PKDCC: variants seen among roughly 807,000 people sequenced by gnomAD.
PKDCC encodes the protein extracellular tyrosine-protein kinase PKDCC.
Under a neutral mutation model 44.7 loss-of-function variants are expected in PKDCC, and 35 were observed. The observed-to-expected ratio is 0.78, with a 90% CI of 0.60 to 1.04. The LOEUF (loss-of-function observed/expected upper bound fraction) is 1.04, where lower values mean the gene tolerates loss of function less well. Ranked by LOEUF, PKDCC falls within the 50% of genes least tolerant of loss-of-function variation. The pLI, the probability that PKDCC is intolerant of heterozygous loss-of-function variation, is 0.00. For synonymous variants in PKDCC, 353 were observed against 303.3 expected, an observed-to-expected ratio of 1.16 and a Z score of -1.70; for missense variants, 738 against 672.7, an observed-to-expected ratio of 1.10 and a Z score of -1.07.
In PKDCC at chr2:42,051,718, G is replaced by A. The variant is rs78026860; in HGVS notation, c.640-1521G>A. ...TGATGGGGAGGGGGTGGAGAGAGAAGAGGGTGCCTGGAGCTGCCCTGGCCC... is the reference window on the plus strand; with the variant it reads ...TGATGGGGAGGGGGTGGAGAGAGAAAAGGGTGCCTGGAGCTGCCCTGGCCC... On this transcript the variant is annotated intron_variant, in intron 1 of 6. Transcript: ENST00000294964. This position sits in a 1 kb window ranked among gnomAD's most constrained non-coding sequence, Gnocchi z 4.2. 0.015 allele frequency among the ~76,000 whole-genome samples: 2,294 copies of A among 152,162 alleles called. 140 individuals are homozygous for A. Among genetic ancestry groups the A allele is most frequent in the Admixed American group, 0.1 (1,554 of 15,290 alleles).
Position 42,055,299 on chromosome 2 carries a change from G to T in PKDCC, c.1128G>T (p.Trp376Cys). ...SIVNATGELA[W>C]GVDETLAQLE... ...TGCACTCTGCAGGAGAGCTCGCCTG[G>T]GGGGTGGACGAGACCCTGGCCCAGC... Residue 376 changes from tryptophan (W) to cysteine (C), a missense_variant, in exon 5 of 7, where the codon TGG (tryptophan) becomes TGT (cysteine). Trp to Cys is a radical substitution (Grantham distance 215). Transcript: ENST00000294964. The surrounding 1 kb of genome is among the most constrained non-coding windows in gnomAD (Gnocchi z 4.5). 6.2e-7 allele frequency: 1 copy of T among 1,613,226 alleles called. No homozygotes were observed. The highest frequency in any genetic ancestry group is 8.5e-7 in the Non-Finnish European group (1 of 1,179,932).
chr2:42,053,382 G>A (rs747108914), intron 2 of PKDCC, 21 bp downstream of exon 2: 52 of 1,595,234 alleles, frequency 3.3e-5, no homozygotes, highest in South Asian at 1.0e-4. Flanking sequence ...AGGAGGGCTC[G>A]GGCCCTGGGC....
rs765504841 is a variant in PKDCC at position 42,048,759 on chromosome 2, G to T, written c.560G>T (p.Gly187Val). 1 of 1,579,038 alleles carries T rather than the reference G, an allele frequency of 6.3e-7. No individual in the cohort carries two copies. The highest frequency in any genetic ancestry group is 8.6e-7 in the Non-Finnish European group (1 of 1,162,904). The change falls in exon 1 of 7, where the codon GGC becomes GTC. Residue 187 changes from glycine to valine, a missense_variant. Coordinates refer to ENST00000294964, the MANE Select transcript of PKDCC (RefSeq NM_138370.3). The surrounding 1 kb of genome is among the most constrained non-coding windows in gnomAD (Gnocchi z 6.2). The stretch of plus-strand genomic sequence containing the variant: ...GTGCGCGAGTTCGGGGTACGGAGGG[G>T]CTGCTATCGGCTGGCGGCCCACAAG... The part of the protein sequence containing the change: ...SCVREFGVRR[G>V]CYRLAAHKLL...
In PKDCC at chr2:42,058,408, C is replaced by A. The variant is rs1041574033; in HGVS notation, c.*720C>A. ...AAGCAGCCAAAACCAGGCTTTCCCC[C>A]TTCCTCGAGTTTGAATATCCAGAAT... On this transcript the variant is annotated 3_prime_UTR_variant, in exon 7 of 7. Transcript: ENST00000294964. The surrounding 1 kb of genome is among the most constrained non-coding windows in gnomAD (Gnocchi z 4.2). 4 of 152,592 alleles carry A rather than the reference C, an allele frequency of 2.6e-5. No homozygotes were observed. Among genetic ancestry groups the A allele is most frequent in the African/African-American group, 4.8e-5 (2 of 41,424 alleles). 9.5% of individuals were successfully genotyped at this position (152,592 alleles called of 1,614,324 possible).
Position 42,057,224 on chromosome 2 carries a change from A to G in PKDCC, c.1226A>G (p.Tyr409Cys). 1 of 1,614,142 alleles carries G rather than the reference A, an allele frequency of 6.2e-7. No individual in the cohort carries two copies. The highest frequency in any genetic ancestry group is 1.1e-5 in the South Asian group (1 of 91,076). Reference sequence around the variant, plus strand: ...TTACTCCATCCCCAACCCACAGAGTACCAGTGTATCCCAGACAGCACCATC... The same window carrying G: ...TTACTCCATCCCCAACCCACAGAGTGCCAGTGTATCCCAGACAGCACCATC... ...QNSTASSSTE[Y>C]QCIPDSTIPQ... Residue 409 changes from tyrosine (Y) to cysteine (C), a missense_variant, in exon 6 of 7, where the codon TAC (tyrosine) becomes TGC (cysteine). Transcript: ENST00000294964.
chr2:42,048,210 G>C lies in PKDCC; in HGVS notation c.11G>C (p.Arg4Pro). The change falls in exon 1 of 7, where the codon CGG becomes CCG. Residue 4 changes from arginine to proline, a missense_variant. Physicochemically the swap from Arg to Pro is moderately radical, Grantham distance 103. Coordinates refer to ENST00000294964, the MANE Select transcript of PKDCC (RefSeq NM_138370.3). The surrounding 1 kb of genome is among the most constrained non-coding windows in gnomAD (Gnocchi z 6.2). Reference sequence around the variant, plus strand: ...GGGGGGAGGGGAGCGATGCGGCGCCGGCGGGCGGCAGTGGCCGCGGGTTTC... The same window carrying C: ...GGGGGGAGGGGAGCGATGCGGCGCCCGCGGGCGGCAGTGGCCGCGGGTTTC... MRR[R>P]RAAVAAGFCA... 1 of 1,191,382 alleles carries C rather than the reference G, an allele frequency of 8.4e-7. No homozygotes were observed. The highest frequency in any genetic ancestry group is 2.4e-5 in the South Asian group (1 of 41,858). The allele number at this position is 1,191,382 out of a possible 1,614,324, so 73.8% of individuals were successfully genotyped here.
At position 42,050,538 on chromosome 2, in the gene PKDCC, T is replaced by C. The variant is rs538467150; in HGVS notation, c.639+1700T>C. On this transcript the variant is annotated intron_variant, in intron 1 of 6. Coordinates refer to ENST00000294964, the MANE Select transcript of PKDCC (RefSeq NM_138370.3). ...AAGCATTCAGCTAACGCCCCACATA[T>C]ATATCACGTGACGGTCCTCCTCTGA... 1.2e-4 allele frequency among the ~76,000 whole-genome samples: 19 copies of C among 152,188 alleles called. No individual in the cohort carries two copies. In the South Asian group the frequency reaches 3.5e-3, roughly 28 times the overall value.
At position 42,048,079 on chromosome 2, in the gene PKDCC, C is replaced by T; in HGVS notation, c.-121C>T. 8.3e-6 allele frequency: 4 copies of T among 482,270 alleles called. No individual in the cohort carries two copies. The highest frequency in any genetic ancestry group is 1.1e-5 in the Non-Finnish European group (4 of 379,522). 29.9% of individuals were successfully genotyped at this position (482,270 alleles called of 1,614,324 possible). On this transcript the variant is annotated 5_prime_UTR_variant, in exon 1 of 7. Transcript: ENST00000294964. This position sits in a 1 kb window ranked among gnomAD's most constrained non-coding sequence, Gnocchi z 6.2. ...GGGCCGGGGTCGGGGCCGCCGGGGC[C>T]ATGCGCGCGGGCTGGGCAGGGGGCC...
Position 42,055,055 on chromosome 2 carries a change from C to T in PKDCC, c.1114+35C>T, listed in dbSNP as rs1306080985. Reference sequence around the variant, plus strand: ...CCAGGGCCCATCTGCTTCCAGGCACCTACCCCACCCCCACCCGCCAGCAAA... The same window carrying T: ...CCAGGGCCCATCTGCTTCCAGGCACTTACCCCACCCCCACCCGCCAGCAAA... On this transcript the variant is annotated intron_variant, in intron 4 of 6. Transcript: ENST00000294964. The surrounding 1 kb of genome is among the most constrained non-coding windows in gnomAD (Gnocchi z 4.5). 11 of 1,587,588 alleles carry T rather than the reference C, an allele frequency of 6.9e-6. No individual in the cohort carries two copies. The highest frequency in any genetic ancestry group is 5.0e-5 in the Admixed American group (3 of 59,730).
chr2:42,058,009 C>T lies in PKDCC; in HGVS notation c.*321C>T, dbSNP rs184615957. 563 of 381,412 alleles carry T rather than the reference C, an allele frequency of 1.5e-3. 2 individuals are homozygous for T. Among genetic ancestry groups the T allele is most frequent in the African/African-American group, 0.01 (506 of 49,122 alleles). 23.6% of individuals were successfully genotyped at this position (381,412 alleles called of 1,614,324 possible). On this transcript the variant is annotated 3_prime_UTR_variant, in exon 7 of 7. Transcript: ENST00000294964. This position sits in a 1 kb window ranked among gnomAD's most constrained non-coding sequence, Gnocchi z 4.2. The stretch of plus-strand genomic sequence containing the variant: ...GCTGTGCCCCTCCCTGGGACGGTTC[C>T]GTGGGCAGCCCCATCACTGTGTTCA...
At position 42,051,454 on chromosome 2, in the gene PKDCC, G is replaced by A. The variant is rs568430710; in HGVS notation, c.640-1785G>A. On this transcript the variant is annotated intron_variant, in intron 1 of 6. Coordinates refer to ENST00000294964, the MANE Select transcript of PKDCC (RefSeq NM_138370.3). The surrounding 1 kb of genome is among the most constrained non-coding windows in gnomAD (Gnocchi z 4.2). ...TTCTTCTCCCAACCAAACAAAAGAT[G>A]TGACTGAAATGCTCAGCCTCACGCT... Among the ~76,000 whole-genome samples the A allele has an allele frequency of 6.6e-6, 1 of 151,094 alleles. No individual in the cohort carries two copies. Among genetic ancestry groups the A allele is most frequent in the Admixed American group, 6.6e-5 (1 of 15,178 alleles).
Position 42,055,047 on chromosome 2 carries a change from C to T in PKDCC, c.1114+27C>T. ...TGAGCTCTCCAGGGCCCATCTGCTTCCAGGCACCTACCCCACCCCCACCCG... is the reference window on the plus strand; with the variant it reads ...TGAGCTCTCCAGGGCCCATCTGCTTTCAGGCACCTACCCCACCCCCACCCG... On this transcript the variant is annotated intron_variant, in intron 4 of 6. Transcript: ENST00000294964. The surrounding 1 kb of genome is among the most constrained non-coding windows in gnomAD (Gnocchi z 4.5). The T allele has an allele frequency of 6.2e-7, 1 of 1,601,342 alleles. No homozygotes were observed. Among genetic ancestry groups the T allele is most frequent in the Non-Finnish European group, 8.6e-7 (1 of 1,168,500 alleles).
In PKDCC at chr2:42,053,631, A is replaced by G. The variant is rs1572761495; in HGVS notation, c.762+270A>G. Reference sequence around the variant, plus strand: ...GGGCTGGCACCTTAAAGAGGGGAGCACTCACACACTCACACTCAGCCTGAC... The same window carrying G: ...GGGCTGGCACCTTAAAGAGGGGAGCGCTCACACACTCACACTCAGCCTGAC... On this transcript the variant is annotated intron_variant, in intron 2 of 6. Transcript: ENST00000294964. 7.0e-5 allele frequency: 37 copies of G among 529,048 alleles called. No homozygotes were observed. The East Asian group carries it at 1.2e-3, about 17-fold the overall frequency. The allele number at this position is 529,048 out of a possible 1,614,324, so 32.8% of individuals were successfully genotyped here. A position where few individuals can be genotyped will look rare whatever the true frequency, so the allele number is the denominator to read the frequency against.
At chr2:42,056,396 G>T (rs1336806303) in intron 5 of PKDCC, among the ~76,000 whole-genome samples, 1 of 152,098 alleles carries the variant, frequency 6.6e-6, no homozygotes. Context: ...TCTAGCCATG[G>T]ATTTTTTGCA....
rs376685077 is a variant in PKDCC, at chr2:42,057,692, A to G, written c.*4A>G. On this transcript the variant is annotated 3_prime_UTR_variant, in exon 7 of 7. Coordinates refer to ENST00000294964, the MANE Select transcript of PKDCC (RefSeq NM_138370.3). ...ATATGTGAAGGCCTCTGGCTGACCTATCTGAGGGCTCGGCTGACCAGCTGA... is the reference window on the plus strand; with the variant it reads ...ATATGTGAAGGCCTCTGGCTGACCTGTCTGAGGGCTCGGCTGACCAGCTGA... 3.1e-6 allele frequency: 5 copies of G among 1,613,282 alleles called. No homozygotes were observed. Among genetic ancestry groups the G allele is most frequent in the East Asian group, 4.5e-5 (2 of 44,854 alleles).
In PKDCC at chr2:42,051,351, A is replaced by C; in HGVS notation, c.640-1888A>C. On this transcript the variant is annotated intron_variant, in intron 1 of 6. Coordinates refer to ENST00000294964, the MANE Select transcript of PKDCC (RefSeq NM_138370.3). This position sits in a 1 kb window ranked among gnomAD's most constrained non-coding sequence, Gnocchi z 4.2. ...ACCTCTCCCCACCTCCCCCTCCCCC[A>C]GTCATCCTGGGGCCCCCAGGCCTTG... Among the ~76,000 whole-genome samples, 1 of 136,396 alleles carries C rather than the reference A, an allele frequency of 7.3e-6. No individual in the cohort carries two copies. Among genetic ancestry groups the C allele is most frequent in the East Asian group, 2.2e-4 (1 of 4,524 alleles). 89.5% of individuals were successfully genotyped at this position (136,396 alleles called of 152,430 possible). A position where few individuals can be genotyped will look rare whatever the true frequency, so the allele number is the denominator to read the frequency against.
chr2:42,048,239 G>C lies in PKDCC; in HGVS notation c.40G>C (p.Ala14Pro). 1 of 1,265,540 alleles carries C rather than the reference G, an allele frequency of 7.9e-7. No individual in the cohort carries two copies. Among genetic ancestry groups the C allele is most frequent in the Non-Finnish European group, 1.0e-6 (1 of 993,598 alleles). The allele number at this position is 1,265,540 out of a possible 1,614,324, so 78.4% of individuals were successfully genotyped here. The change falls in exon 1 of 7, where the codon GCC (alanine) becomes CCC (proline). Residue 14 changes from alanine to proline, a missense_variant. Physicochemically the swap from Ala to Pro is conservative, Grantham distance 27. Coordinates refer to ENST00000294964, the MANE Select transcript of PKDCC (RefSeq NM_138370.3). This position sits in a 1 kb window ranked among gnomAD's most constrained non-coding sequence, Gnocchi z 6.2. ...GGCGGCAGTGGCCGCGGGTTTCTGC[G>C]CCTCCTTCCTGCTGGGCTCCGTCCT... is the stretch of plus-strand genomic sequence containing the variant. ...RRAAVAAGFC[A>P]SFLLGSVLNV...
Position 42,054,169 on chromosome 2 carries a change from C to T in PKDCC, c.896C>T (p.Ala299Val), listed in dbSNP as rs1471482869. 6.2e-7 allele frequency: 1 copy of T among 1,612,312 alleles called. No individual in the cohort carries two copies. Among genetic ancestry groups the T allele is most frequent in the East Asian group, 2.2e-5 (1 of 44,854 alleles). Residue 299 changes from alanine (A) to valine (V), a missense_variant, in exon 3 of 7, where the codon GCA (alanine) becomes GTA (valine). Transcript: ENST00000294964. The surrounding 1 kb of genome is among the most constrained non-coding windows in gnomAD (Gnocchi z 6.1). ...GELKVTDLDD[A>V]RVEETPCAGS... ...CTCAAAGTGACGGACCTGGATGACG[C>T]ACGTGTGGAGGAGACGCCGTGTGCA...
At position 42,054,737 on chromosome 2, in the gene PKDCC, G is replaced by A. The variant is rs1668025015; in HGVS notation, c.1035-204G>A. ...GGTTGGGAAGCAGGCCCCTGGTTTC[G>A]GTTAGTATGAAGTTAGGTGTGGTGT... On this transcript the variant is annotated intron_variant, in intron 3 of 6. Transcript: ENST00000294964. The surrounding 1 kb of genome is among the most constrained non-coding windows in gnomAD (Gnocchi z 6.1). 2.5e-5 allele frequency: 16 copies of A among 629,452 alleles called. 1 individual carries two copies. The highest frequency in any genetic ancestry group is 1.7e-4 in the South Asian group (9 of 51,676). The allele number at this position is 629,452 out of a possible 1,614,324, so 39.0% of individuals were successfully genotyped here. A position where few individuals can be genotyped will look rare whatever the true frequency, so the allele number is the denominator to read the frequency against.
Sources: allele counts gnomAD v4.1 joint callset (sites outside exome capture counted in the v4.1 genomes callset), GRCh38; gene constraint gnomAD v4.1.1; non-coding constraint Gnocchi (gnomAD v3.1); transcripts MANE v1.5; gene names NCBI Gene and HGNC (gene_info 2026-07-23, HGNC 2026-07-21).